MSI2: variants seen among roughly 807,000 people sequenced by gnomAD.
MSI2 encodes the protein RNA-binding protein Musashi homolog 2.
Under a neutral mutation model 45.6 loss-of-function variants are expected in MSI2, and 17 were observed. That is an observed-to-expected ratio of 0.37 (90% CI 0.26 to 0.56). MSI2 has a LOEUF of 0.56. Among genes scored for constraint, MSI2 ranks in the 20% least tolerant of loss-of-function variants. The probability of loss-of-function intolerance (pLI) is 0.77; values close to 1 mark genes in which losing one functional copy is unlikely to be tolerated. For missense variants in MSI2, 293 were observed against 444.2 expected, an observed-to-expected ratio of 0.66 and a Z score of 3.06; for synonymous variants, 156 against 158.2, an observed-to-expected ratio of 0.99 and a Z score of 0.11.
rs1327455134 is a variant in MSI2, at chr17:57,388,691, T to C, written c.313-12688T>C. On this transcript the variant is annotated intron_variant, in intron 5 of 13. Coordinates refer to ENST00000284073, the MANE Select transcript of MSI2 (RefSeq NM_138962.4). ...TTTTTTTTGGAGACTTCTTGCTTTG[T>C]CACCCAGGCTGGAGTGCAGTGGTGC... Among the ~76,000 whole-genome samples the C allele has an allele frequency of 2.0e-5, 3 of 152,226 alleles. No individual in the cohort carries two copies. The East Asian group carries it at 5.8e-4, about 29-fold the overall frequency.
At chr17:57,367,819 G>C (rs899707814) in intron 5 of MSI2, among the ~76,000 whole-genome samples, 6 of 152,202 alleles carry the variant, frequency 3.9e-5, no homozygotes, top group Non-Finnish European at 8.8e-5. Flanking sequence ...GCCTGTGTGT[G>C]TAGAGGTACC....
intron 7 of MSI2, among the ~76,000 whole-genome samples, chr17:57,567,581 A>G (rs890194835): frequency 1.3e-5 from 2 of 152,228 alleles, no homozygotes; most frequent in Non-Finnish European, 2.9e-5. Context: ...CTTAACCGGC[A>G]GTTAACCGGC....
intron 5 of MSI2, chr17:57,285,928 T>C (rs1233757792): frequency 1.3e-6 from 2 of 1,534,086 alleles, no homozygotes; most frequent in Non-Finnish European, 1.7e-6. Context: ...ATACGTCTTA[T>C]CACGTGAATC....
intron 5 of MSI2, among the ~76,000 whole-genome samples, chr17:57,326,179 A>G (rs28706452): frequency 0.053 from 7,949 of 151,108 alleles, 663 homozygotes; most frequent in African/African-American, 0.18. Context: ...TACAATTCTC[A>G]TATCCCCCAA....
intron 7 of MSI2, among the ~76,000 whole-genome samples, chr17:57,554,582 G>A (rs2087388145): frequency 1.3e-5 from 2 of 152,192 alleles, no homozygotes; most frequent in African/African-American, 4.8e-5. Context: ...CTTCTATCCG[G>A]GATGATGTTA....
intron 5 of MSI2, among the ~76,000 whole-genome samples, chr17:57,325,150 GAACAA>G (rs1282057884): frequency 6.6e-6 from 1 of 152,148 alleles, no homozygotes; most frequent in Non-Finnish European, 1.5e-5. Context: ...CCATAAAAAA[GAACAA>G]AATAATGTCT....
intron 6 of MSI2, chr17:57,406,717 A>G (rs542891152): frequency 4.6e-5 from 7 of 152,366 alleles, no homozygotes; most frequent in Admixed American, 6.5e-5. Context: ...TGCTAAGCTG[A>G]AACGACTCTG....
intron 6 of MSI2, among the ~76,000 whole-genome samples, chr17:57,459,556 G>A (rs1160952219): frequency 6.6e-6 from 1 of 152,208 alleles, no homozygotes; most frequent in African/African-American, 2.4e-5. Context: ...TGTTTGATTA[G>A]AGCAGCTTTT....
intron 5 of MSI2, among the ~76,000 whole-genome samples, chr17:57,343,495 A>G (rs792398): frequency 0.013 from 2,028 of 152,204 alleles, 44 homozygotes; most frequent in African/African-American, 0.046. Flanking sequence ...TTGAGTCATT[A>G]GGGAATAATT....
At chr17:57,539,430 G>A (rs1308412161) in intron 7 of MSI2, among the ~76,000 whole-genome samples, 2 of 151,174 alleles carry the variant, frequency 1.3e-5, no homozygotes, top group African/African-American at 2.4e-5. Context: ...AGTGGCTCAC[G>A]GCTGTAATCC....
intron 9 of MSI2, among the ~76,000 whole-genome samples, chr17:57,624,544 C>T (rs556705457): frequency 6.6e-6 from 1 of 152,224 alleles, no homozygotes; most frequent in South Asian, 2.1e-4. Flanking sequence ...CTCAACATCC[C>T]ACCGGGCTCC....
chr17:57,599,688 G>T (rs374152006), intron 8 of MSI2, among the ~76,000 whole-genome samples: 1 of 152,234 alleles, frequency 6.6e-6, no homozygotes, highest in South Asian at 2.1e-4. Flanking sequence ...TGATTCGGAT[G>T]ACAGGCTTTG....
intron 6 of MSI2, among the ~76,000 whole-genome samples, chr17:57,450,867 C>G (rs1401942264): frequency 1.3e-5 from 2 of 151,964 alleles, no homozygotes; most frequent in Non-Finnish European, 2.9e-5. Flanking sequence ...TCAGGCTGTC[C>G]ACCCTCCTCC....
intron 5 of MSI2, among the ~76,000 whole-genome samples, chr17:57,341,877 CT>C (rs1340750398): frequency 6.6e-6 from 1 of 152,146 alleles, no homozygotes; most frequent in Non-Finnish European, 1.5e-5. Flanking sequence ...TCCTCTCCCT[CT>C]TTTTTTCCCC....
At chr17:57,675,967 ATTTTG>A (rs533313690) in intron 12 of MSI2, among the ~76,000 whole-genome samples, 197 of 152,198 alleles carry the variant, frequency 1.3e-3, no homozygotes, top group African/African-American at 3.8e-3. Flanking sequence ...TGTCCCTTCC[ATTTTG>A]GAAACAGAAA....
chr17:57,526,455 T>G (rs1220354212), intron 6 of MSI2, among the ~76,000 whole-genome samples: 6 of 150,820 alleles, frequency 4.0e-5, no homozygotes, highest in Non-Finnish European at 8.9e-5. Flanking sequence ...GAGAGAGTTA[T>G]CAGCTGGCTG....
chr17:57,313,724 T>A (rs533303423), intron 5 of MSI2, among the ~76,000 whole-genome samples: 24 of 152,352 alleles, frequency 1.6e-4, no homozygotes, highest in African/African-American at 5.5e-4. Context: ...TTCATGTTTA[T>A]CAACGCCTTC....
intron 11 of MSI2, among the ~76,000 whole-genome samples, chr17:57,672,988 C>A (rs1484229639): frequency 6.6e-6 from 1 of 152,078 alleles, no homozygotes; most frequent in African/African-American, 2.4e-5. Flanking sequence ...TTATTTTTTT[C>A]TTTTCTCTTT....
intron 5 of MSI2, among the ~76,000 whole-genome samples, chr17:57,352,949 G>A (rs1398331289): frequency 6.6e-6 from 1 of 152,186 alleles, no homozygotes; most frequent in East Asian, 1.9e-4. Context: ...ACTGGACTGG[G>A]TGAGGGTGAC....
Sources: allele counts gnomAD v4.1 joint callset (sites outside exome capture counted in the v4.1 genomes callset), GRCh38; gene constraint gnomAD v4.1.1; transcripts MANE v1.5; gene names NCBI Gene and HGNC (gene_info 2026-07-23, HGNC 2026-07-21).